SLC36A2: variants seen among roughly 807,000 people sequenced by gnomAD.
SLC36A2 encodes the protein solute carrier family 36 member 2.
SLC36A2 carries 39 observed loss-of-function variants against 42.7 expected under a neutral mutation model. The ratio of observed to expected loss-of-function variants is 0.91; its 90% CI spans 0.71 to 1.19. The LOEUF (loss-of-function observed/expected upper bound fraction) is 1.19, where lower values mean the gene tolerates loss of function less well. Ranked by LOEUF, SLC36A2 falls within the 50% of genes most tolerant of loss-of-function variation. The pLI is 0.00. For missense variants in SLC36A2, 590 were observed against 613.7 expected, an observed-to-expected ratio of 0.96 and a Z score of 0.41; for synonymous variants, 237 against 240.8, an observed-to-expected ratio of 0.98 and a Z score of 0.15.
chr5:151,343,402 T>A, intron 3 of SLC36A2, 108 bp downstream of exon 3: 1 of 1,170,182 alleles, frequency 8.5e-7, no homozygotes, highest in East Asian at 2.3e-5. Flanking sequence ...TTCTTGGCCT[T>A]ATTGGAGAAA....
At chr5:151,328,901 C>G (rs1004158814) in intron 7 of SLC36A2, among the ~76,000 whole-genome samples, 3 of 152,154 alleles carry the variant, frequency 2.0e-5, no homozygotes, top group African/African-American at 7.2e-5. Context: ...TGTGCTTTTT[C>G]TTTCTCTTTT....
intron 5 of SLC36A2, among the ~76,000 whole-genome samples, chr5:151,338,262 T>G (rs2127296084): frequency 6.6e-6 from 1 of 152,362 alleles, no homozygotes; most frequent in Non-Finnish European, 1.5e-5. Flanking sequence ...CTTTTTAAAC[T>G]TACTGATTAA....
At chr5:151,336,942 ATATAT>A (rs1756176273) in intron 5 of SLC36A2, among the ~76,000 whole-genome samples, 1 of 152,156 alleles carries the variant, frequency 6.6e-6, no homozygotes, top group African/African-American at 2.4e-5. Context: ...CACAAATTAC[ATATAT>A]TATACACATT....
At chr5:151,322,731 A>G (rs1372902220) in intron 8 of SLC36A2, among the ~76,000 whole-genome samples, 1 of 152,214 alleles carries the variant, frequency 6.6e-6, no homozygotes, top group Non-Finnish European at 1.5e-5. Context: ...AAGAAGAGAC[A>G]GTTTATAAAT....
rs749690631 is a variant in SLC36A2 at position 151,347,274 on chromosome 5, G to A, written c.164+23C>T. The A allele has an allele frequency of 3.1e-6, 5 of 1,613,848 alleles. No individual in the cohort carries two copies. The South Asian group carries it at 5.5e-5, about 18-fold the overall frequency. On this transcript the variant is annotated intron_variant, in intron 1 of 9. Coordinates refer to ENST00000335244, the MANE Select transcript of SLC36A2 (RefSeq NM_181776.3). ...GCTTCAGGCTAGAAAGCAGAAATAG[G>A]GATGGCAGAAAACAGCACTCACGTT... is the stretch of plus-strand genomic sequence containing the variant.
chr5:151,343,460 C>T, intron 3 of SLC36A2, 50 bp downstream of exon 3: 1 of 1,563,734 alleles, frequency 6.4e-7, no homozygotes, highest in Non-Finnish European at 8.8e-7. Flanking sequence ...TGGGCTATCC[C>T]TGAGAACCAT....
chr5:151,343,360 T>A (rs1296191800), intron 3 of SLC36A2, 150 bp downstream of exon 3: 11 of 814,008 alleles, frequency 1.4e-5, no homozygotes, highest in Middle Eastern at 2.2e-4. Flanking sequence ...GAGCCTCACC[T>A]GAGCTCCCTG....
chr5:151,331,178 C>G (rs1021402838), intron 7 of SLC36A2, among the ~76,000 whole-genome samples: 3 of 152,242 alleles, frequency 2.0e-5, no homozygotes, highest in African/African-American at 7.2e-5. Flanking sequence ...ATACCACATA[C>G]AAAAATTAAC....
chr5:151,317,983 C>G (rs904925734), intron 9 of SLC36A2, among the ~76,000 whole-genome samples: 1 of 152,092 alleles, frequency 6.6e-6, no homozygotes, highest in African/African-American at 2.4e-5. Context: ...TATGGAAGAA[C>G]AAATGGAAGA....
chr5:151,321,207 C>G (rs1014151033), intron 9 of SLC36A2, among the ~76,000 whole-genome samples: 1 of 151,936 alleles, frequency 6.6e-6, no homozygotes, highest in Admixed American at 6.6e-5. Context: ...CTCTGTTGCC[C>G]AGGCTGGAGT....
In SLC36A2 at chr5:151,340,997, TTTA is replaced by T. The variant is rs554291310; in HGVS notation, c.441-1856_441-1854del. Among the ~76,000 whole-genome samples the T allele has an allele frequency of 4.0e-3, 605 of 152,166 alleles. 4 individuals are homozygous for T. Among genetic ancestry groups the T allele is most frequent in the Admixed American group, 4.7e-3 (71 of 15,268 alleles). ...GGTCCAGGAAGTTTTATTTACTTGC[TTTA>T]TTATTATTATTATTGTATCTTAAGT... On this transcript the variant is annotated intron_variant, in intron 4 of 9. Transcript: ENST00000335244.
In SLC36A2 at chr5:151,346,686, C is replaced by T. The variant is rs78432786; in HGVS notation, c.164+611G>A. ...GGGTCAGATGTGGGGAAGGGAGCTGCAGCCCTGTAGCTTGGCTTCCCTCTT... is the reference window on the plus strand; with the variant it reads ...GGGTCAGATGTGGGGAAGGGAGCTGTAGCCCTGTAGCTTGGCTTCCCTCTT... On this transcript the variant is annotated intron_variant, in intron 1 of 9. Coordinates refer to ENST00000335244, the MANE Select transcript of SLC36A2 (RefSeq NM_181776.3). Among the ~76,000 whole-genome samples, 437 of 152,312 alleles carry T rather than the reference C, an allele frequency of 2.9e-3. 2 individuals are homozygous for T. Among genetic ancestry groups the T allele is most frequent in the African/African-American group, 9.9e-3 (413 of 41,556 alleles).
chr5:151,325,471 G>A lies in SLC36A2; in HGVS notation c.844-19C>T. 6 of 1,613,402 alleles carry A rather than the reference G, an allele frequency of 3.7e-6. No homozygotes were observed. The highest frequency in any genetic ancestry group is 4.2e-6 in the Non-Finnish European group (5 of 1,179,750). On this transcript the variant is annotated intron_variant, in intron 7 of 9. Coordinates refer to ENST00000335244, the MANE Select transcript of SLC36A2 (RefSeq NM_181776.3). Reference sequence around the variant, plus strand: ...GCAGAACCTACAGAAACATCACAATGTAAGAAGGAGAAAGAGTAACATGAA... The same window carrying A: ...GCAGAACCTACAGAAACATCACAATATAAGAAGGAGAAAGAGTAACATGAA...
chr5:151,336,503 CACTT>C (rs1756160743), intron 5 of SLC36A2, among the ~76,000 whole-genome samples: 8 of 132,062 alleles, frequency 6.1e-5, no homozygotes, highest in Non-Finnish European at 1.3e-4. Flanking sequence ...AAAAGTCTAT[CACTT>C]ACTGTTTCCT....
chr5:151,344,187 G>C lies in SLC36A2; in HGVS notation c.245C>G (p.Ala82Gly), dbSNP rs767426391. The C allele has an allele frequency of 1.2e-6, 2 of 1,613,878 alleles. No individual in the cohort carries two copies. Among genetic ancestry groups the C allele is most frequent in the African/African-American group, 1.3e-5 (1 of 74,916 alleles). Residue 82 changes from alanine (A) to glycine (G), a missense_variant, in exon 2 of 10, where the codon GCG becomes GGG. By Grantham distance (60) the Ala-to-Gly change is moderately conservative. Coordinates refer to ENST00000335244, the MANE Select transcript of SLC36A2 (RefSeq NM_181776.3). ...ILGLPLAVKN[A>G]GILMGPLSLL... Reference sequence around the variant, plus strand: ...TGGCGCCTCTCTTACCAGGATGCCCGCGTTCTTCACAGCGAGGGGTAGTCC... The same window carrying C: ...TGGCGCCTCTCTTACCAGGATGCCCCCGTTCTTCACAGCGAGGGGTAGTCC...
Position 151,325,795 on chromosome 5 carries a change from C to T in SLC36A2, c.844-343G>A, listed in dbSNP as rs913298331. On this transcript the variant is annotated intron_variant, in intron 7 of 9. Coordinates refer to ENST00000335244, the MANE Select transcript of SLC36A2 (RefSeq NM_181776.3). Reference sequence around the variant, plus strand: ...GCCAGTCACAAAAAGACAAGGACTGCCTGATTCTACTTATATGAGGTACCT... The same window carrying T: ...GCCAGTCACAAAAAGACAAGGACTGTCTGATTCTACTTATATGAGGTACCT... Among the ~76,000 whole-genome samples the T allele has an allele frequency of 3.0e-4, 45 of 152,064 alleles. 2 individuals are homozygous for T. Among genetic ancestry groups the T allele is most frequent in the Non-Finnish European group, 1.3e-4 (9 of 68,030 alleles).
intron 7 of SLC36A2, 27 bp downstream of exon 7, chr5:151,333,197 A>G (rs1756044627): frequency 1.9e-6 from 3 of 1,593,520 alleles, no homozygotes; most frequent in Non-Finnish European, 2.6e-6. Context: ...AGCACTAGGG[A>G]TAAGGCCACC....
chr5:151,344,591 G>A (rs949192607), intron 1 of SLC36A2, among the ~76,000 whole-genome samples: 11 of 152,192 alleles, frequency 7.2e-5, no homozygotes, highest in African/African-American at 1.4e-4. Context: ...CATCTTGCAG[G>A]TGAAGAAACT....
chr5:151,332,522 C>T (rs968718999), intron 7 of SLC36A2: 21 of 439,890 alleles, frequency 4.8e-5, no homozygotes, highest in South Asian at 4.9e-5. Context: ...AGACAGTGGA[C>T]GCTCTGCAAT....
Sources: allele counts gnomAD v4.1 joint callset (sites outside exome capture counted in the v4.1 genomes callset), GRCh38; gene constraint gnomAD v4.1.1; transcripts MANE v1.5; gene names NCBI Gene and HGNC (gene_info 2026-07-23, HGNC 2026-07-21).